Variants in MGAT4B observed in about 807,000 individuals in gnomAD.
MGAT4B encodes alpha-1,3-mannosyl-glycoprotein 4-beta-N-acetylglucosaminyltransferase B, also known as N-acetylglucosaminyltransferase IVb.
Under a neutral mutation model 73.9 loss-of-function variants are expected in MGAT4B, and 38 were observed. The observed-to-expected ratio is 0.51, with a 90% CI of 0.40 to 0.67. The LOEUF is 0.67. Ranked by LOEUF, MGAT4B falls within the 30% of genes least tolerant of loss-of-function variation. The pLI is 0.00. For synonymous variants in MGAT4B, 373 were observed against 313.5 expected, an observed-to-expected ratio of 1.19 and a Z score of -2.01; for missense variants, 686 against 735.2, an observed-to-expected ratio of 0.93 and a Z score of 0.77.
chr5:179,800,424 G>C (rs1415865245), intron 6 of MGAT4B, 60 bp downstream of exon 6: 1 of 1,426,296 alleles, frequency 7.0e-7, no homozygotes, highest in East Asian at 2.3e-5. Flanking sequence ...TCAAACACCA[G>C]TAGATGGGTT....
Position 179,799,321 on chromosome 5 carries a change from TG to T in MGAT4B, c.1042-12del. ...CCGGTCACAGTGCTTCTGTGGAGGG[TG>T]GGCAACACCCCAGGGCTCGGCTTAG... On this transcript the variant is annotated splice_polypyrimidine_tract_variant and intron_variant, in intron 9 of 14. Transcript: ENST00000292591. The T allele has an allele frequency of 6.2e-7, 1 of 1,612,950 alleles. No individual in the cohort carries two copies. The highest frequency in any genetic ancestry group is 2.2e-5 in the East Asian group (1 of 44,858).
rs200918506 is a variant in MGAT4B at position 179,798,274 on chromosome 5, G to A, written c.1514C>T (p.Ser505Phe). ...TCCCTCTGCCACTCCCTTGTAGAAG[G>A]AGCCTGTGGGAGGGCAGTGGTGAGA... ...RSPDGYLQIG[S>F]FYKGVAEGEV... Residue 505 changes from serine (S) to phenylalanine (F), a missense_variant, in exon 14 of 15, where the codon TCC becomes TTC. Transcript: ENST00000292591. The A allele has an allele frequency of 1.9e-6, 3 of 1,612,702 alleles. No homozygotes were observed. The highest frequency in any genetic ancestry group is 2.7e-5 in the African/African-American group (2 of 75,064).
intron 6 of MGAT4B, 70 bp from the exon 7 acceptor site, chr5:179,800,329 C>T (rs1756858542): frequency 6.4e-7 from 1 of 1,574,276 alleles, no homozygotes; most frequent in Non-Finnish European, 8.7e-7. Flanking sequence ...AGAGAAGCCG[C>T]TGGGTGGGCA....
At chr5:179,800,421 C>T (rs1013557638) in intron 6 of MGAT4B, 63 bp downstream of exon 6, 1 of 1,421,348 alleles carries the variant, frequency 7.0e-7, no homozygotes, top group African/African-American at 1.4e-5. Context: ...GACTCAAACA[C>T]CAGTAGATGG....
At chr5:179,798,775 C>T in intron 11 of MGAT4B, 153 bp downstream of exon 11, 2 of 1,088,074 alleles carry the variant, frequency 1.8e-6, no homozygotes, top group Non-Finnish European at 2.7e-6. Context: ...CTCCTAGGGG[C>T]TGCCTGACTT....
chr5:179,804,356 A>G (rs1324041587), intron 1 of MGAT4B, among the ~76,000 whole-genome samples: 1 of 152,090 alleles, frequency 6.6e-6, no homozygotes, highest in Non-Finnish European at 1.5e-5. Context: ...GGTGTCCATC[A>G]TTGCTGAAGT....
In MGAT4B at chr5:179,800,844, G is replaced by T. The variant is rs377434081; in HGVS notation, c.605+63C>A. On this transcript the variant is annotated intron_variant, in intron 5 of 14. Coordinates refer to ENST00000292591, the MANE Select transcript of MGAT4B (RefSeq NM_014275.5). ...CTATCTCATGGGGAGGCAGGAACCT[G>T]CCAGCACAACACCCCGCACCGAGCT... 514 of 1,566,288 alleles carry T rather than the reference G, an allele frequency of 3.3e-4. 2 individuals are homozygous for T. In the African/African-American group the frequency reaches 6.0e-3, roughly 18 times the overall value.
rs748343126 is a variant in MGAT4B at position 179,798,950 on chromosome 5, A to G, written c.1321T>C (p.Phe441Leu). The G allele has an allele frequency of 1.2e-6, 2 of 1,613,608 alleles. No homozygotes were observed. The highest frequency in any genetic ancestry group is 4.5e-5 in the East Asian group (2 of 44,882). Residue 441 changes from phenylalanine to leucine, a missense_variant, in exon 11 of 15, where the codon TTC (phenylalanine) becomes CTC (leucine). Physicochemically the swap from Phe to Leu is conservative, Grantham distance 22. Around this residue, in one of 2 missense-constraint regions of MGAT4B, gnomAD observed 449 missense variants for 536.8 expected, o/e 0.84. Coordinates refer to ENST00000292591, the MANE Select transcript of MGAT4B (RefSeq NM_014275.5). ...AAGDFIRFRF[F>L]QPLRLERFFF... ...GACCGCTCCAGTCTTAGAGGTTGGA[A>G]GAAGCGGAAGCGGATGAAGTCCCCC...
At chr5:179,803,356 C>T (rs1012893673) in intron 1 of MGAT4B, 82 of 836,344 alleles carry the variant, frequency 9.8e-5, no homozygotes, top group Non-Finnish European at 1.1e-4. Flanking sequence ...CTCAGGGGCT[C>T]GGTTACCCTG....
rs1756757986 is a variant in MGAT4B at position 179,798,535 on chromosome 5, G to A, written c.1400C>T (p.Ser467Phe). ...TACGTCGAAGGGCAGCACCTCCACA[G>A]ACGTGTTGAAGAGCTTGTCCTCCGG... ...EHPEDKLFNT[S>F]VEVLPFDNPQ... Residue 467 changes from serine (S) to phenylalanine (F), a missense_variant, in exon 12 of 15, where the codon TCT becomes TTT. By Grantham distance (155) the Ser-to-Phe change is radical. This residue lies in a region of MGAT4B where 449 missense variants were observed against 536.8 expected (regional missense o/e 0.84). Coordinates refer to ENST00000292591, the MANE Select transcript of MGAT4B (RefSeq NM_014275.5). 6.2e-7 allele frequency: 1 copy of A among 1,613,616 alleles called. No individual in the cohort carries two copies. Among genetic ancestry groups the A allele is most frequent in the African/African-American group, 1.3e-5 (1 of 75,062 alleles).
chr5:179,798,925 G>A lies in MGAT4B; in HGVS notation c.1343+3C>T. On this transcript the variant is annotated splice_donor_region_variant and intron_variant, in intron 11 of 14. Coordinates refer to ENST00000292591, the MANE Select transcript of MGAT4B (RefSeq NM_014275.5). ...ATCGCAGACCCATGGTGCTGGCACTGACCGCTCCAGTCTTAGAGGTTGGAA... is the reference window on the plus strand; with the variant it reads ...ATCGCAGACCCATGGTGCTGGCACTAACCGCTCCAGTCTTAGAGGTTGGAA... 6.2e-7 allele frequency: 1 copy of A among 1,613,406 alleles called. No homozygotes were observed. The highest frequency in any genetic ancestry group is 1.3e-5 in the African/African-American group (1 of 75,066).
At chr5:179,800,869 T>A (rs370476592) in intron 5 of MGAT4B, 38 bp downstream of exon 5, 151 of 1,605,622 alleles carry the variant, frequency 9.4e-5, no homozygotes, top group Non-Finnish European at 1.2e-4. Flanking sequence ...CGCACCGAGC[T>A]CTCCCGCCAC....
At chr5:179,798,631 G>C in intron 11 of MGAT4B, 40 bp from the exon 12 acceptor site, 1 of 1,601,988 alleles carries the variant, frequency 6.2e-7, no homozygotes, top group Non-Finnish European at 8.5e-7. Context: ...CAGGGGCAGC[G>C]TTCCAGCACA....
At chr5:179,800,377 T>C (rs1376749514) in intron 6 of MGAT4B, 107 bp downstream of exon 6, 28 of 1,452,450 alleles carry the variant, frequency 1.9e-5, no homozygotes, top group Admixed American at 1.2e-4. Flanking sequence ...GGTCCTCCCA[T>C]GGAGAATTCA....
In MGAT4B at chr5:179,801,499, G is replaced by A. The variant is rs766036047; in HGVS notation, c.425-32C>T. The stretch of plus-strand genomic sequence containing the variant: ...GGGACGGAGGCCCGACGCTGGAAAG[G>A]GTGCGGGGGCCACCCGTCCCCCCAC... On this transcript the variant is annotated intron_variant, in intron 3 of 14. Coordinates refer to ENST00000292591, the MANE Select transcript of MGAT4B (RefSeq NM_014275.5). The surrounding 1 kb of genome is among the most constrained non-coding windows in gnomAD (Gnocchi z 4.8). 18 of 1,601,776 alleles carry A rather than the reference G, an allele frequency of 1.1e-5. No homozygotes were observed. Among genetic ancestry groups the A allele is most frequent in the Non-Finnish European group, 1.5e-5 (17 of 1,171,826 alleles).
chr5:179,802,267 G>T (rs540120995), intron 1 of MGAT4B: 1 of 1,417,432 alleles, frequency 7.1e-7, no homozygotes, highest in South Asian at 1.6e-5. Context: ...TAGGTAGGTG[G>T]ATCCTAAGCA....
intron 11 of MGAT4B, 138 bp downstream of exon 11, chr5:179,798,790 C>T (rs1192171467): frequency 5.2e-6 from 6 of 1,161,456 alleles, no homozygotes; most frequent in South Asian, 2.9e-5. Flanking sequence ...TGACTTAGTC[C>T]TCACAAGGTA....
At chr5:179,805,363 G>A (rs564617316) in intron 1 of MGAT4B, 117 of 152,472 alleles carry the variant, frequency 7.7e-4, no homozygotes, top group African/African-American at 2.6e-3. Flanking sequence ...CCTACCTACA[G>A]AGAATTCTGC....
In MGAT4B at chr5:179,800,499, G is replaced by A; in HGVS notation, c.704C>T (p.Pro235Leu). The change falls in exon 6 of 15, where the codon CCC becomes CTC. Residue 235 changes from proline (P) to leucine (L), a missense_variant. By Grantham distance (98) the Pro-to-Leu change is moderately conservative. Coordinates refer to ENST00000292591, the MANE Select transcript of MGAT4B (RefSeq NM_014275.5). ...FSRLRESFGD[P>L]KERVRWRTKQ... is the part of the protein sequence containing the mutation. The stretch of plus-strand genomic sequence containing the variant: ...TAACTAGTACCTGACTCTCTCCTTG[G>A]GGTCCCCAAAGGACTCTCGGAGGCG... The A allele has an allele frequency of 1.9e-6, 3 of 1,608,106 alleles. No individual in the cohort carries two copies. Among genetic ancestry groups the A allele is most frequent in the Non-Finnish European group, 2.5e-6 (3 of 1,177,494 alleles).
Sources: allele counts gnomAD v4.1 joint callset (sites outside exome capture counted in the v4.1 genomes callset), GRCh38; gene constraint gnomAD v4.1.1; regional missense constraint gnomAD v4.1.1; non-coding constraint Gnocchi (gnomAD v3.1); transcripts MANE v1.5; gene names NCBI Gene and HGNC (gene_info 2026-07-23, HGNC 2026-07-21).